AFG2A: variants seen among roughly 807,000 people sequenced by gnomAD.
AFG2A encodes AAA ATPase AFG2A.
chr4:123,017,648 C>T, the AFG2A span, among the ~76,000 whole-genome samples: 1 of 151,780 alleles, frequency 6.6e-6, no homozygotes, highest in Non-Finnish European at 1.5e-5. Flanking sequence ...TAATTTGGTA[C>T]ACTTATGATT....
the AFG2A span, among the ~76,000 whole-genome samples, chr4:123,174,645 A>C: frequency 1.3e-5 from 2 of 152,122 alleles, no homozygotes; most frequent in Non-Finnish European, 2.9e-5. Context: ...GGGAAAAGGA[A>C]TGTTGCTTAG....
chr4:123,006,423 G>A, the AFG2A span, among the ~76,000 whole-genome samples: 1 of 151,524 alleles, frequency 6.6e-6, no homozygotes, highest in Non-Finnish European at 1.5e-5. Context: ...GTATATTTGA[G>A]CTTACAGTGT....
At chr4:123,018,620 C>T in the AFG2A span, among the ~76,000 whole-genome samples, 3 of 151,906 alleles carry the variant, frequency 2.0e-5, no homozygotes, top group Non-Finnish European at 2.9e-5. Flanking sequence ...TGCTTTAGAA[C>T]TCTTCTGTGT....
the AFG2A span, among the ~76,000 whole-genome samples, chr4:123,214,900 T>C: frequency 1.3e-5 from 2 of 152,090 alleles, no homozygotes; most frequent in African/African-American, 2.4e-5. Flanking sequence ...GGCTATGTTA[T>C]TGGTAAGGCT....
chr4:123,284,561 A>G, the AFG2A span, among the ~76,000 whole-genome samples: 1 of 152,226 alleles, frequency 6.6e-6, no homozygotes, highest in Non-Finnish European at 1.5e-5. Flanking sequence ...ACTTAAGGTA[A>G]AGCAAATAAA....
chr4:122,987,492 T>C, the AFG2A span, among the ~76,000 whole-genome samples: 9 of 152,252 alleles, frequency 5.9e-5, no homozygotes, highest in East Asian at 1.5e-3. Context: ...CCTTTGTTCC[T>C]TTCTTCTTCT....
chr4:123,103,518 A>T, the AFG2A span, among the ~76,000 whole-genome samples: 1 of 152,170 alleles, frequency 6.6e-6, no homozygotes, highest in Non-Finnish European at 1.5e-5. Context: ...TTTCTTAAAA[A>T]AATTATGACG....
chr4:123,024,306 A>T, the AFG2A span, among the ~76,000 whole-genome samples: 1 of 7,978 alleles, frequency 1.3e-4, no homozygotes, highest in Non-Finnish European at 2.0e-3. Context: ...AGACCCCCCA[A>T]AAAAAAATCA....
the AFG2A span, among the ~76,000 whole-genome samples, chr4:123,247,580 T>TTTTGTTTGTTTGTTTG: frequency 1.6e-5 from 1 of 62,334 alleles, no homozygotes; most frequent in Admixed American, 2.1e-4. Context: ...CGGCTAATTT[T>TTTTGTTTGTTTGTTTG]TATGTTTGTT....
At chr4:123,096,467 G>A in the AFG2A span, among the ~76,000 whole-genome samples, 1 of 151,998 alleles carries the variant, frequency 6.6e-6, no homozygotes, top group Admixed American at 6.6e-5. Context: ...GGCCCCTTTA[G>A]AAGTGTCCAG....
At chr4:122,975,350 C>T in the AFG2A span, among the ~76,000 whole-genome samples, 3 of 152,136 alleles carry the variant, frequency 2.0e-5, no homozygotes, top group African/African-American at 7.2e-5. Context: ...CTCATTAGGC[C>T]TCACCTCCCA....
the AFG2A span, chr4:122,979,275 C>G: frequency 1.2e-6 from 2 of 1,614,216 alleles, no homozygotes; most frequent in South Asian, 2.2e-5. Context: ...AGCCTAACCT[C>G]CCTGATGTCA....
the AFG2A span, among the ~76,000 whole-genome samples, chr4:122,985,089 G>A: frequency 1.3e-3 from 192 of 150,502 alleles, 1 homozygote; most frequent in South Asian, 1.0e-2. Context: ...AATCCATCTA[G>A]TCTTGGACTT....
the AFG2A span, among the ~76,000 whole-genome samples, chr4:123,004,584 A>G: frequency 2.6e-5 from 4 of 152,214 alleles, no homozygotes; most frequent in Admixed American, 2.0e-4. Context: ...AATGAACTCC[A>G]CTGGAATGTA....
chr4:123,241,401 G>A, the AFG2A span, among the ~76,000 whole-genome samples: 113 of 151,616 alleles, frequency 7.5e-4, no homozygotes, highest in African/African-American at 2.4e-3. Context: ...CTGGCAAACC[G>A]AATCCAGCAG....
chr4:123,076,065 G>A, the AFG2A span, among the ~76,000 whole-genome samples: 1 of 151,616 alleles, frequency 6.6e-6, no homozygotes, highest in African/African-American at 2.4e-5. Context: ...GGCCACAGGA[G>A]TTCCAGACCA....
At chr4:123,179,114 C>T in the AFG2A span, among the ~76,000 whole-genome samples, 2 of 152,200 alleles carry the variant, frequency 1.3e-5, no homozygotes, top group Admixed American at 6.5e-5. Flanking sequence ...AGTAAGAAGC[C>T]GAAAAGAATG....
At chr4:122,996,916 C>T in the AFG2A span, among the ~76,000 whole-genome samples, 2 of 152,060 alleles carry the variant, frequency 1.3e-5, no homozygotes, top group African/African-American at 4.8e-5. Flanking sequence ...GGAAAAAGAG[C>T]AAATTTTGCC....
the AFG2A span, among the ~76,000 whole-genome samples, chr4:123,231,910 A>T: frequency 6.6e-6 from 1 of 151,998 alleles, no homozygotes; most frequent in East Asian, 1.9e-4. Flanking sequence ...TTACCATCTT[A>T]TATGGGCATG....
Sources: gnomAD v4.1 joint callset for allele counts (sites outside exome capture counted in the v4.1 genomes callset) on GRCh38, gnomAD v4.1.1 for gene constraint, MANE v1.5 for transcripts, NCBI Gene and HGNC (gene_info 2026-07-23, HGNC 2026-07-21) for gene names.